The following FHOD3 variants were observed in gnomAD, a reference collection of about 807,000 sequenced individuals.
FHOD3 encodes the protein formin homology 2 domain containing 3, also known as FH1/FH2 domain-containing protein 3.
A neutral mutation model predicts 173.0 loss-of-function variants in FHOD3; 90 were observed. The observed-to-expected ratio is 0.52, with a 90% CI of 0.44 to 0.62. The LOEUF is 0.62. FHOD3 is among the 20% of genes least tolerant of loss of function. The pLI, the probability that FHOD3 is intolerant of heterozygous loss-of-function variation, is 0.00. For missense variants in FHOD3, 1,945 were observed against 2,034.7 expected (o/e 0.96, Z 0.85); for synonymous variants, 828 against 823.0 (o/e 1.01, Z -0.10).
intron 14 of FHOD3, among the ~76,000 whole-genome samples, chr18:36,662,297 G>C (rs2036863808): frequency 6.6e-6 from 1 of 152,192 alleles, no homozygotes; most frequent in African/African-American, 2.4e-5. Flanking sequence ...GACAGTCCTT[G>C]TTCTGGGACT....
At chr18:36,719,330 T>C (rs1390763793) in intron 19 of FHOD3, among the ~76,000 whole-genome samples, 6 of 152,254 alleles carry the variant, frequency 3.9e-5, no homozygotes, top group African/African-American at 1.2e-4. Flanking sequence ...GCTGCTGTGA[T>C]AGTAACAAAG....
intron 6 of FHOD3, among the ~76,000 whole-genome samples, chr18:36,585,901 C>T (rs551983115): frequency 9.9e-5 from 15 of 152,192 alleles, no homozygotes; most frequent in African/African-American, 3.4e-4. Flanking sequence ...GATGTTCTGC[C>T]CTTTTCTAGG....
At chr18:36,384,530 A>C (rs1239851330) in intron 3 of FHOD3, among the ~76,000 whole-genome samples, 1 of 149,704 alleles carries the variant, frequency 6.7e-6, no homozygotes, top group East Asian at 2.0e-4. Context: ...ATATCATGCC[A>C]TTGCACTCCA....
intron 14 of FHOD3, among the ~76,000 whole-genome samples, chr18:36,665,587 G>T (rs368078135): frequency 1.3e-4 from 19 of 150,890 alleles, no homozygotes; most frequent in African/African-American, 4.2e-4. Flanking sequence ...CTGGTGGGGG[G>T]GCAGGGAGGT....
At chr18:36,559,336 G>T (rs190043504) in intron 5 of FHOD3, among the ~76,000 whole-genome samples, 13 of 152,302 alleles carry the variant, frequency 8.5e-5, no homozygotes, top group Admixed American at 4.6e-4. Context: ...TCAGCAGAAA[G>T]AAGAATGAGT....
At position 36,769,396 on chromosome 18, in the gene FHOD3, A is replaced by T. The variant is rs757110164; in HGVS notation, c.4756A>T (p.Arg1586Trp). The change falls in exon 28 of 29, where the codon AGG (arginine) becomes TGG (tryptophan). Residue 1586 changes from arginine to tryptophan, a missense_variant. Arg to Trp is a moderately radical substitution (Grantham distance 101). Coordinates refer to ENST00000590592, the MANE Select transcript of FHOD3 (RefSeq NM_001281740.3). ...VPSQRVVPRE[R>W]KRSRANRKSL... is the part of the protein sequence containing the mutation. ...CAGTCAGCGAGTGGTGCCGAGGGAG[A>T]GGAAACGATCCCGGGCCAACCGGAA... The T allele has an allele frequency of 6.2e-7, 1 of 1,614,062 alleles. No individual in the cohort carries two copies. Among genetic ancestry groups the T allele is most frequent in the Admixed American group, 1.7e-5 (1 of 60,012 alleles).
intron 3 of FHOD3, among the ~76,000 whole-genome samples, chr18:36,396,389 C>G (rs988280837): frequency 2.6e-4 from 39 of 152,228 alleles, no homozygotes; most frequent in African/African-American, 8.9e-4. Context: ...CTTTGCCTAC[C>G]TGCAGTGATT....
chr18:36,437,693 C>A (rs1427335863), intron 3 of FHOD3, among the ~76,000 whole-genome samples: 1 of 64,018 alleles, frequency 1.6e-5, no homozygotes, highest in African/African-American at 4.9e-5. Context: ...AAGACAGAGT[C>A]TTGCTCTGTC....
intron 16 of FHOD3, chr18:36,692,888 T>C (rs2039046233): frequency 6.3e-6 from 2 of 315,278 alleles, no homozygotes; most frequent in Admixed American, 4.5e-5. Flanking sequence ...GGCTTTTTGG[T>C]GGTGGTTATT....
At position 36,649,366 on chromosome 18, in the gene FHOD3, AAG is replaced by A. The variant is rs1183084675; in HGVS notation, c.1256_1257del (p.Glu419GlyfsTer2). On this transcript the variant is annotated frameshift_variant, in exon 11 of 29. Transcript: ENST00000590592. LOFTEE classifies it high-confidence loss of function. ...CCAATCACGGAGCCCAGTTCCGAAG[AAG>A]AGAGAGAGGATGATGCTTCCTGTCA... 2.0e-6 allele frequency: 3 copies of A among 1,535,828 alleles called. No individual in the cohort carries two copies. The highest frequency in any genetic ancestry group is 2.6e-6 in the Non-Finnish European group (3 of 1,146,722).
chr18:36,776,654 G>A (rs909644043), intron 28 of FHOD3, among the ~76,000 whole-genome samples: 1 of 152,126 alleles, frequency 6.6e-6, no homozygotes, highest in Admixed American at 6.5e-5. Flanking sequence ...ATGAATACTC[G>A]CTTTTCAGGG....
chr18:36,761,981 A>T (rs1044198670), intron 27 of FHOD3, among the ~76,000 whole-genome samples: 3 of 152,008 alleles, frequency 2.0e-5, no homozygotes, highest in African/African-American at 7.3e-5. Flanking sequence ...GAACAGATGA[A>T]TATTGCGCCC....
rs1043214678 is a variant in FHOD3, at chr18:36,575,898, G to A, written c.512-553G>A. Among the ~76,000 whole-genome samples the A allele has an allele frequency of 1.2e-4, 19 of 152,328 alleles. No homozygotes were observed. The South Asian group carries it at 2.5e-3, about 20-fold the overall frequency. On this transcript the variant is annotated intron_variant, in intron 5 of 28. Coordinates refer to ENST00000590592, the MANE Select transcript of FHOD3 (RefSeq NM_001281740.3). ...AATGTGTGATATCATGTATTTTCAT[G>A]ATACCTGATGTTTTTACTTGAAAAT...
intron 2 of FHOD3, among the ~76,000 whole-genome samples, chr18:36,367,284 G>T (rs1226404406): frequency 6.6e-6 from 1 of 152,154 alleles, no homozygotes; most frequent in Non-Finnish European, 1.5e-5. Flanking sequence ...ATTTTAGATA[G>T]TCCCCTTGGC....
chr18:36,605,988 A>G (rs944213752), intron 8 of FHOD3, among the ~76,000 whole-genome samples: 4 of 152,188 alleles, frequency 2.6e-5, no homozygotes, highest in African/African-American at 4.8e-5. Context: ...CTTGTAAAAT[A>G]GGAGAAAGCA....
intron 23 of FHOD3, among the ~76,000 whole-genome samples, chr18:36,746,426 G>A (rs2042159924): frequency 6.6e-6 from 1 of 152,184 alleles, no homozygotes; most frequent in African/African-American, 2.4e-5. Context: ...GAGTGTTGGT[G>A]GAATGAGTGA....
At chr18:36,473,509 G>T (rs1244700433) in intron 3 of FHOD3, among the ~76,000 whole-genome samples, 1 of 152,196 alleles carries the variant, frequency 6.6e-6, no homozygotes, top group East Asian at 1.9e-4. Flanking sequence ...TTAACTCATT[G>T]AAGTTTGAGA....
chr18:36,481,039 T>G (rs2053861327), intron 3 of FHOD3, among the ~76,000 whole-genome samples: 2 of 119,338 alleles, frequency 1.7e-5, no homozygotes, highest in Admixed American at 1.7e-4. Flanking sequence ...TTTTTTTTTT[T>G]TTTGCGTTTA....
chr18:36,761,217 A>C (rs2042863314), intron 27 of FHOD3, among the ~76,000 whole-genome samples: 1 of 152,200 alleles, frequency 6.6e-6, no homozygotes, highest in African/African-American at 2.4e-5. Flanking sequence ...CATCTACTAC[A>C]CAGGACAAGG....
Sources: allele counts gnomAD v4.1 joint callset (sites outside exome capture counted in the v4.1 genomes callset), GRCh38; gene constraint gnomAD v4.1.1; transcripts MANE v1.5; gene names NCBI Gene and HGNC (gene_info 2026-07-23, HGNC 2026-07-21).